TSPAN18: variants seen among roughly 807,000 people sequenced by gnomAD.
The protein encoded by TSPAN18 is tetraspanin-18.
In TSPAN18, 14 loss-of-function variants were observed where a neutral mutation model predicts 27.3. The ratio of observed to expected loss-of-function variants is 0.51; its 90% CI spans 0.34 to 0.80. The LOEUF (loss-of-function observed/expected upper bound fraction) is 0.80. TSPAN18 is among the 30% of genes least tolerant of loss of function. The pLI is 0.01. For synonymous variants in TSPAN18, 143 were observed against 136.5 expected, an observed-to-expected ratio of 1.05 and a Z score of -0.33; for missense variants, 268 against 323.9, an observed-to-expected ratio of 0.83 and a Z score of 1.32.
chr11:44,803,499 A>G (rs1435312000), intron 2 of TSPAN18, among the ~76,000 whole-genome samples: 6 of 152,170 alleles, frequency 3.9e-5, no homozygotes, highest in Non-Finnish European at 8.8e-5. Context: ...TGTCATTAGG[A>G]GTCTGAAGGT....
chr11:44,731,115 T>C (rs1475708089), intron 1 of TSPAN18, among the ~76,000 whole-genome samples: 1 of 152,174 alleles, frequency 6.6e-6, no homozygotes, highest in Non-Finnish European at 1.5e-5. Flanking sequence ...TCACTGGTGG[T>C]GGGCAAGTGT....
intron 2 of TSPAN18, among the ~76,000 whole-genome samples, chr11:44,843,271 G>A (rs1000171325): frequency 8.5e-5 from 13 of 152,118 alleles, no homozygotes; most frequent in Non-Finnish European, 1.6e-4. Context: ...CTGGGCATCC[G>A]GGGGAGACAT....
intron 2 of TSPAN18, among the ~76,000 whole-genome samples, chr11:44,820,470 A>G (rs1399777015): frequency 6.6e-6 from 1 of 152,208 alleles, no homozygotes; most frequent in African/African-American, 2.4e-5. Flanking sequence ...TTTGCAATAG[A>G]TGAGACTGTG....
Position 44,930,586 on chromosome 11 carries a change from C to T in TSPAN18, c.*1408C>T, listed in dbSNP as rs1382589137. ...CCCTCCAGGCTTGGGCAGGGAGACT[C>T]GCAGATGCACACCCACAAGTATTCA... On this transcript the variant is annotated 3_prime_UTR_variant, in exon 10 of 10. Coordinates refer to ENST00000520358, the MANE Select transcript of TSPAN18 (RefSeq NM_130783.5). 3.3e-5 allele frequency: 10 copies of T among 303,704 alleles called. No individual in the cohort carries two copies. Among genetic ancestry groups the T allele is most frequent in the Non-Finnish European group, 3.9e-5 (6 of 152,092 alleles). 18.8% of individuals were successfully genotyped at this position (303,704 alleles called of 1,614,324 possible).
chr11:44,790,162 T>A (rs1025120660), intron 2 of TSPAN18, among the ~76,000 whole-genome samples: 6 of 151,802 alleles, frequency 4.0e-5, no homozygotes, highest in African/African-American at 1.5e-4. Context: ...CATGTGTGTG[T>A]GTGCATGTGT....
At chr11:44,845,059 ACTGT>A (rs1565174360) in intron 2 of TSPAN18, among the ~76,000 whole-genome samples, 1 of 152,204 alleles carries the variant, frequency 6.6e-6, no homozygotes, top group African/African-American at 2.4e-5. Flanking sequence ...TTCCCTGATG[ACTGT>A]CTTATTCCAT....
At chr11:44,828,119 G>A (rs1370625893) in intron 2 of TSPAN18, among the ~76,000 whole-genome samples, 2 of 152,108 alleles carry the variant, frequency 1.3e-5, no homozygotes, top group African/African-American at 4.8e-5. Flanking sequence ...TGGGTGTCTT[G>A]CACAGGTGGC....
chr11:44,888,368 C>G (rs1360923494), intron 3 of TSPAN18, among the ~76,000 whole-genome samples: 5 of 152,126 alleles, frequency 3.3e-5, no homozygotes, highest in African/African-American at 1.2e-4. Context: ...TTGGAAAGTG[C>G]TTAGTATGGT....
At chr11:44,749,364 T>A (rs1045950825) in intron 1 of TSPAN18, among the ~76,000 whole-genome samples, 7 of 152,194 alleles carry the variant, frequency 4.6e-5, no homozygotes, top group Non-Finnish European at 1.0e-4. Flanking sequence ...ATATGTCAGC[T>A]CTTTTTGTGG....
chr11:44,927,473 C>A (rs1442911077), intron 9 of TSPAN18, among the ~76,000 whole-genome samples: 1 of 152,224 alleles, frequency 6.6e-6, no homozygotes, highest in Non-Finnish European at 1.5e-5. Context: ...CAATCCTCAG[C>A]TTCCCCCTCC....
intron 1 of TSPAN18, among the ~76,000 whole-genome samples, chr11:44,732,293 G>C (rs376763468): frequency 6.6e-6 from 1 of 152,230 alleles, no homozygotes; most frequent in African/African-American, 2.4e-5. Flanking sequence ...GCTGCCGCCC[G>C]CCAGGTGCTT....
At chr11:44,885,042 T>C (rs1371399262) in intron 3 of TSPAN18, among the ~76,000 whole-genome samples, 1 of 152,254 alleles carries the variant, frequency 6.6e-6, no homozygotes, top group Non-Finnish European at 1.5e-5. Flanking sequence ...ACGTGCTCTC[T>C]ATGGCTGTTT....
intron 3 of TSPAN18, among the ~76,000 whole-genome samples, chr11:44,902,805 T>G (rs1344969853): frequency 6.6e-6 from 1 of 152,170 alleles, no homozygotes. Flanking sequence ...GGGCCTGTCC[T>G]GGGCTGTCCT....
At chr11:44,842,019 G>T (rs772719607) in intron 2 of TSPAN18, among the ~76,000 whole-genome samples, 8 of 152,298 alleles carry the variant, frequency 5.3e-5, no homozygotes, top group African/African-American at 1.9e-4. Context: ...ATTGTGCAGC[G>T]GGGAAACTGA....
intron 1 of TSPAN18, among the ~76,000 whole-genome samples, chr11:44,728,093 C>G (rs1854561701): frequency 6.6e-6 from 1 of 152,214 alleles, no homozygotes; most frequent in African/African-American, 2.4e-5. Flanking sequence ...ATCCAGGACG[C>G]AGGGACCACA....
At chr11:44,767,982 C>T (rs762102629) in intron 2 of TSPAN18, among the ~76,000 whole-genome samples, 1 of 152,194 alleles carries the variant, frequency 6.6e-6, no homozygotes, top group Non-Finnish European at 1.5e-5. Flanking sequence ...TTCACAAATA[C>T]CACACCATTT....
intron 1 of TSPAN18, among the ~76,000 whole-genome samples, chr11:44,737,836 T>G (rs1288752037): frequency 6.6e-6 from 1 of 152,024 alleles, no homozygotes; most frequent in Admixed American, 6.6e-5. Flanking sequence ...TCCCCTGGAC[T>G]GCTTTTTCCT....
chr11:44,862,962 G>A lies in TSPAN18; in HGVS notation c.-11+2493G>A, dbSNP rs1272962658. On this transcript the variant is annotated intron_variant, in intron 3 of 9. Coordinates refer to ENST00000520358, the MANE Select transcript of TSPAN18 (RefSeq NM_130783.5). ...TGGAGTGTGCACCTGTTAATAAAACGAATCATACAAGCTCCACTTCCCAGG... is the reference window on the plus strand; with the variant it reads ...TGGAGTGTGCACCTGTTAATAAAACAAATCATACAAGCTCCACTTCCCAGG... 4.6e-5 allele frequency among the ~76,000 whole-genome samples: 7 copies of A among 152,116 alleles called. No individual in the cohort carries two copies. In the South Asian group the frequency reaches 8.3e-4, roughly 18 times the overall value.
chr11:44,865,374 G>A (rs148858831), intron 3 of TSPAN18, among the ~76,000 whole-genome samples: 1 of 152,128 alleles, frequency 6.6e-6, no homozygotes, highest in Non-Finnish European at 1.5e-5. Flanking sequence ...GCAGAGCTCT[G>A]GGCACGTGGT....
Sources: gnomAD v4.1 joint callset for allele counts (sites outside exome capture counted in the v4.1 genomes callset) on GRCh38, gnomAD v4.1.1 for gene constraint, MANE v1.5 for transcripts, NCBI Gene and HGNC (gene_info 2026-07-23, HGNC 2026-07-21) for gene names.